The following MAP2K2 variants were observed in gnomAD, a reference collection of about 807,000 sequenced individuals.
The protein encoded by MAP2K2 is dual specificity mitogen-activated protein kinase kinase 2.
In MAP2K2, 24 loss-of-function variants were observed where a neutral mutation model predicts 43.7. That is an observed-to-expected ratio of 0.55 (90% CI 0.40 to 0.77). The LOEUF (loss-of-function observed/expected upper bound fraction) is 0.77, where lower values mean the gene tolerates loss of function less well. MAP2K2 is among the 30% of genes least tolerant of loss of function. The pLI is 0.00. For missense variants in MAP2K2, 470 were observed against 566.8 expected, an observed-to-expected ratio of 0.83 and a Z score of 1.73; for synonymous variants, 244 against 239.7, an observed-to-expected ratio of 1.02 and a Z score of -0.17.
At chr19:4,108,200 T>C (rs1296583411) in intron 3 of MAP2K2, among the ~76,000 whole-genome samples, 2 of 152,208 alleles carry the variant, frequency 1.3e-5, no homozygotes. Flanking sequence ...CTGTCAGGGC[T>C]CACCCAATGC....
intron 6 of MAP2K2, chr19:4,099,812 G>C (rs2040975169): frequency 3.4e-6 from 1 of 294,076 alleles, no homozygotes. Flanking sequence ...CAATTCCTTG[G>C]TCCAGAAATT....
chr19:4,119,768 A>G (rs1311644321), intron 1 of MAP2K2, among the ~76,000 whole-genome samples: 1 of 152,330 alleles, frequency 6.6e-6, no homozygotes, highest in African/African-American at 2.4e-5. Flanking sequence ...AGAACAGGCC[A>G]CCTCCAGAGG....
intron 4 of MAP2K2, among the ~76,000 whole-genome samples, chr19:4,102,050 T>C (rs2041019041): frequency 6.6e-6 from 1 of 152,214 alleles, no homozygotes; most frequent in Admixed American, 6.5e-5. Context: ...AGTCTCCCTT[T>C]CAACAAGCTC....
Position 4,099,795 on chromosome 19 carries a change from C to G in MAP2K2, c.706-381G>C, listed in dbSNP as rs1038022691. 2.5e-5 allele frequency: 8 copies of G among 320,042 alleles called. No homozygotes were observed. The Admixed American group carries it at 3.7e-4, about 15-fold the overall frequency. 19.8% of individuals were successfully genotyped at this position (320,042 alleles called of 1,614,324 possible). On this transcript the variant is annotated intron_variant, in intron 6 of 10. Coordinates refer to ENST00000262948, the MANE Select transcript of MAP2K2 (RefSeq NM_030662.4). ...TCCCCAGTCGTTTCCTGAAAGACCCCAGATTCCAATTCCTTGGTCCAGAAA... is the reference window on the plus strand; with the variant it reads ...TCCCCAGTCGTTTCCTGAAAGACCCGAGATTCCAATTCCTTGGTCCAGAAA...
intron 2 of MAP2K2, among the ~76,000 whole-genome samples, chr19:4,113,304 C>T: frequency 6.6e-6 from 1 of 152,128 alleles, no homozygotes; most frequent in East Asian, 1.9e-4. Context: ...AGGGCGGCTG[C>T]GGCGTGATCT....
chr19:4,124,065 G>C lies in MAP2K2; in HGVS notation c.-190C>G, dbSNP rs780414963. ...GAGGGGCGCTGGGGCTGAGGCGAGC[G>C]AGCCGCTACCGCTGCCGAGGCCCGA... On this transcript the variant is annotated 5_prime_UTR_variant, in exon 1 of 11. Coordinates refer to ENST00000262948, the MANE Select transcript of MAP2K2 (RefSeq NM_030662.4). 2.9e-5 allele frequency: 6 copies of C among 207,538 alleles called. No homozygotes were observed. The Admixed American group carries it at 3.0e-4, about 10-fold the overall frequency. The allele number at this position is 207,538 out of a possible 1,614,324, so 12.9% of individuals were successfully genotyped here. A position where few individuals can be genotyped will look rare whatever the true frequency, so the allele number is the denominator to read the frequency against.
chr19:4,106,392 G>A (rs1294615420), intron 3 of MAP2K2, among the ~76,000 whole-genome samples: 1 of 152,040 alleles, frequency 6.6e-6, no homozygotes, highest in African/African-American at 2.4e-5. Context: ...ACAAATGAAT[G>A]GGCCAATGCT....
chr19:4,091,780 C>G (rs1413645441), intron 10 of MAP2K2, among the ~76,000 whole-genome samples: 2 of 152,132 alleles, frequency 1.3e-5, no homozygotes, highest in Non-Finnish European at 1.5e-5. Context: ...TCCCAAGTAG[C>G]TGGGATTACA....
At chr19:4,116,738 G>A (rs777365743) in intron 2 of MAP2K2, among the ~76,000 whole-genome samples, 1 of 151,890 alleles carries the variant, frequency 6.6e-6, no homozygotes, top group Non-Finnish European at 1.5e-5. Context: ...GACCAGCCTG[G>A]CCAACATGGC....
intron 7 of MAP2K2, among the ~76,000 whole-genome samples, chr19:4,098,081 G>A (rs1399022832): frequency 1.3e-5 from 2 of 152,192 alleles, no homozygotes; most frequent in African/African-American, 4.8e-5. Flanking sequence ...ACCACAAAAC[G>A]TGGCCTGTTC....
chr19:4,110,567 A>C lies in MAP2K2; in HGVS notation c.392T>G (p.Val131Gly), dbSNP rs2145069865. Reference protein sequence around the residue: ...VLHECNSPYIVGFYGAFYSDG... With the variant: ...VLHECNSPYIGGFYGAFYSDG... Reference sequence around the variant, plus strand: ...ACTGTAGAAGGCCCCGTAGAAGCCCACGATGTACGGCGAGTTGCATTCGTG... The same window carrying C: ...ACTGTAGAAGGCCCCGTAGAAGCCCCCGATGTACGGCGAGTTGCATTCGTG... The change falls in exon 3 of 11, where the codon GTG (valine) becomes GGG (glycine). Residue 131 changes from valine to glycine, a missense_variant. This residue lies in a region of MAP2K2 where 200 missense variants were observed against 297.9 expected (regional missense o/e 0.67). Coordinates refer to ENST00000262948, the MANE Select transcript of MAP2K2 (RefSeq NM_030662.4). The C allele has an allele frequency of 6.2e-7, 1 of 1,614,048 alleles. No individual in the cohort carries two copies. Among genetic ancestry groups the C allele is most frequent in the Non-Finnish European group, 8.5e-7 (1 of 1,180,038 alleles).
chr19:4,111,909 C>T (rs1416641904), intron 2 of MAP2K2, among the ~76,000 whole-genome samples: 1 of 152,122 alleles, frequency 6.6e-6, no homozygotes, highest in Non-Finnish European at 1.5e-5. Flanking sequence ...GCCGAGATCG[C>T]ACCATTGCAC....
At chr19:4,099,959 A>C (rs540253016) in intron 6 of MAP2K2, 188 of 174,174 alleles carry the variant, frequency 1.1e-3, no homozygotes, top group Non-Finnish European at 2.0e-3. Flanking sequence ...TTTAAAAGTT[A>C]GCCAAGGCTG....
chr19:4,091,051 C>G (rs574655839), intron 10 of MAP2K2, among the ~76,000 whole-genome samples: 5 of 152,210 alleles, frequency 3.3e-5, no homozygotes, highest in African/African-American at 1.2e-4. Flanking sequence ...CATTCTCTGG[C>G]GTGGGGCCAT....
At chr19:4,108,638 T>A (rs2145066819) in intron 3 of MAP2K2, among the ~76,000 whole-genome samples, 1 of 152,122 alleles carries the variant, frequency 6.6e-6, no homozygotes, top group African/African-American at 2.4e-5. Flanking sequence ...CTGTGTGGTG[T>A]CCCCTGGGGT....
rs2145068126 is a variant in MAP2K2, at chr19:4,109,635, C to T, written c.450+874G>A. On this transcript the variant is annotated intron_variant, in intron 3 of 10. Coordinates refer to ENST00000262948, the MANE Select transcript of MAP2K2 (RefSeq NM_030662.4). The stretch of plus-strand genomic sequence containing the variant: ...ATTTTAAAACAGGCACGTGCCACCA[C>T]ACTCACCTAATATTTTAAATTATAG... Among the ~76,000 whole-genome samples the T allele has an allele frequency of 2.0e-5, 3 of 152,242 alleles. No homozygotes were observed. The South Asian group carries it at 6.2e-4, about 32-fold the overall frequency.
intron 3 of MAP2K2, among the ~76,000 whole-genome samples, chr19:4,108,245 T>C (rs1230584451): frequency 2.0e-5 from 3 of 152,046 alleles, no homozygotes; most frequent in African/African-American, 7.2e-5. Context: ...TGTTTTTGTT[T>C]GTTTGTTTGT....
At chr19:4,117,944 T>A (rs2041247024) in intron 1 of MAP2K2, among the ~76,000 whole-genome samples, 1 of 152,004 alleles carries the variant, frequency 6.6e-6, no homozygotes, top group Non-Finnish European at 1.5e-5. Flanking sequence ...CTTTTCTTTT[T>A]CTTTTTTTTT....
Position 4,115,493 on chromosome 19 carries a change from G to A in MAP2K2, c.303+1926C>T, listed in dbSNP as rs2041209080. Among the ~76,000 whole-genome samples, 1 of 152,246 alleles carries A rather than the reference G, an allele frequency of 6.6e-6. No homozygotes were observed. The highest frequency in any genetic ancestry group is 1.5e-5 in the Non-Finnish European group (1 of 68,046). ...TCTCAAGGCCCTGCTGTGGCTGTGT[G>A]AACCACACGCTTGCCTTTTTCCACC... On this transcript the variant is annotated intron_variant, in intron 2 of 10. Coordinates refer to ENST00000262948, the MANE Select transcript of MAP2K2 (RefSeq NM_030662.4). The surrounding 1 kb of genome is among the most constrained non-coding windows in gnomAD (Gnocchi z 4.1).
Sources: gnomAD v4.1 joint callset for allele counts (sites outside exome capture counted in the v4.1 genomes callset) on GRCh38, gnomAD v4.1.1 for gene constraint, gnomAD v4.1.1 regional missense constraint, Gnocchi (gnomAD v3.1) non-coding constraint, MANE v1.5 for transcripts, NCBI Gene and HGNC (gene_info 2026-07-23, HGNC 2026-07-21) for gene names.